The following KLHL4 variants were observed in gnomAD, a reference collection of about 807,000 sequenced individuals.
KLHL4 encodes kelch like family member 4, also known as kelch-like protein 4.
A neutral mutation model predicts 45.8 loss-of-function variants in KLHL4; 17 were observed. That is an observed-to-expected ratio of 0.37 (90% CI 0.25 to 0.56). KLHL4 has a LOEUF of 0.56. Ranked by LOEUF, KLHL4 falls within the 20% of genes least tolerant of loss-of-function variation. The pLI is 0.79. For missense variants in KLHL4, 544 were observed against 544.9 expected, an observed-to-expected ratio of 1.00 and a Z score of 0.02; for synonymous variants, 224 against 189.9, an observed-to-expected ratio of 1.18 and a Z score of -1.47.
chrX:87,639,507 G>T (rs1923378353), intron 9 of KLHL4, among the ~76,000 whole-genome samples: 1 of 111,416 alleles, frequency 9.0e-6, no homozygotes, highest in African/African-American at 3.3e-5. Flanking sequence ...ATTTTATCAA[G>T]TACTCTGTCA....
At chrX:87,618,518 G>T (rs1922640976) in intron 4 of KLHL4, among the ~76,000 whole-genome samples, 1 of 111,664 alleles carries the variant, frequency 9.0e-6, no homozygotes, top group Non-Finnish European at 1.9e-5. Context: ...TAATATTAAT[G>T]GGTCAATAAT....
At chrX:87,577,388 T>C (rs1008443350) in intron 1 of KLHL4, among the ~76,000 whole-genome samples, 2 of 111,702 alleles carry the variant, frequency 1.8e-5, no homozygotes, top group African/African-American at 6.5e-5. Flanking sequence ...TTAGTAGTGG[T>C]ATTTCCATTT....
At chrX:87,561,647 C>T (rs752157157) in intron 1 of KLHL4, among the ~76,000 whole-genome samples, 69 of 111,006 alleles carry the variant, frequency 6.2e-4, no homozygotes, top group Non-Finnish European at 1.1e-3. Flanking sequence ...GGGGTGGATG[C>T]AACCCAGTGA....
Position 87,666,953 on chromosome X carries a change from A to G in KLHL4, c.*419A>G. 1 of 697,649 alleles carries G rather than the reference A, an allele frequency of 1.4e-6. No individual in the cohort carries two copies. The allele number at this position is 697,649 out of a possible 1,213,427, so 57.5% of individuals were successfully genotyped here. A position where few individuals can be genotyped will look rare whatever the true frequency, so the allele number is the denominator to read the frequency against. ...CGTACTCTTATTATCTGGAACATAG[A>G]AATATAAAAGGTAACATCTAAAGCT... On this transcript the variant is annotated 3_prime_UTR_variant, in exon 11 of 11. Transcript: ENST00000373119.
rs533068495 is a variant in KLHL4, at chrX:87,585,371, T to A, written c.423-28506T>A. 2.7e-5 allele frequency among the ~76,000 whole-genome samples: 3 copies of A among 111,856 alleles called. No individual in the cohort carries two copies. The Middle Eastern group carries it at 0.014, about 518-fold the overall frequency. On this transcript the variant is annotated intron_variant, in intron 1 of 10. Transcript: ENST00000373119. Reference sequence around the variant, plus strand: ...ATAACACTAACTATGGTGTGTAAACTACTCTTAATTAGAAAGACAAAACGA... The same window carrying A: ...ATAACACTAACTATGGTGTGTAAACAACTCTTAATTAGAAAGACAAAACGA...
At chrX:87,588,579 A>T (rs996553319) in intron 1 of KLHL4, among the ~76,000 whole-genome samples, 1 of 111,475 alleles carries the variant, frequency 9.0e-6, no homozygotes, top group African/African-American at 3.3e-5. Context: ...GTGCTGGGAA[A>T]CCTGGATATC....
intron 1 of KLHL4, among the ~76,000 whole-genome samples, chrX:87,585,819 G>T (rs1569347208): frequency 9.0e-6 from 1 of 110,667 alleles, no homozygotes; most frequent in Non-Finnish European, 1.9e-5. Context: ...CCAATCAAAA[G>T]ACATAGACTG....
At chrX:87,576,925 A>T (rs1921120437) in intron 1 of KLHL4, among the ~76,000 whole-genome samples, 1 of 112,361 alleles carries the variant, frequency 8.9e-6, no homozygotes, top group African/African-American at 3.2e-5. Flanking sequence ...TAAATAAAGC[A>T]TTTTTATTAA....
At chrX:87,587,133 C>A (rs1321695789) in intron 1 of KLHL4, among the ~76,000 whole-genome samples, 2 of 85,178 alleles carry the variant, frequency 2.3e-5, no homozygotes, top group East Asian at 8.7e-4. Flanking sequence ...TAATAAAAAT[C>A]TCTCCATAAA....
chrX:87,523,390 G>A (rs187808394), intron 1 of KLHL4, among the ~76,000 whole-genome samples: 14 of 111,441 alleles, frequency 1.3e-4, no homozygotes, highest in Admixed American at 2.9e-4. Context: ...AAGAAAAACC[G>A]AAATCAAGGA....
intron 1 of KLHL4, among the ~76,000 whole-genome samples, chrX:87,562,431 T>G (rs959857953): frequency 1.8e-5 from 2 of 110,130 alleles, no homozygotes; most frequent in Non-Finnish European, 3.8e-5. Flanking sequence ...ACCTGCTGAC[T>G]AAAAAGCCCT....
chrX:87,579,274 G>A (rs192297077), intron 1 of KLHL4, among the ~76,000 whole-genome samples: 3 of 111,239 alleles, frequency 2.7e-5, no homozygotes, highest in African/African-American at 9.8e-5. Context: ...GCAGTACAGA[G>A]AAAACATACG....
At position 87,652,205 on chromosome X, in the gene KLHL4, C is replaced by T. The variant is rs12854019; in HGVS notation, c.1926-12559C>T. Reference sequence around the variant, plus strand: ...CACACAGCATGGGGAAAACATTTTTCCCCCTAGGCCTCCAGGCCTGTGATG... The same window carrying T: ...CACACAGCATGGGGAAAACATTTTTTCCCCTAGGCCTCCAGGCCTGTGATG... On this transcript the variant is annotated intron_variant, in intron 9 of 10. Transcript: ENST00000373119. Among the ~76,000 whole-genome samples, 12 of 112,157 alleles carry T rather than the reference C, an allele frequency of 1.1e-4. No homozygotes were observed. In the East Asian group the frequency reaches 3.4e-3, roughly 32 times the overall value.
rs780673011 is a variant in KLHL4, at chrX:87,562,994, C to A, written c.422+44679C>A. Among the ~76,000 whole-genome samples the A allele has an allele frequency of 3.1e-4, 34 of 111,026 alleles. No individual in the cohort carries two copies. The South Asian group carries it at 0.012, about 39-fold the overall frequency. On this transcript the variant is annotated intron_variant, in intron 1 of 10. Coordinates refer to ENST00000373119, the MANE Select transcript of KLHL4 (RefSeq NM_019117.5). Reference sequence around the variant, plus strand: ...TTTGCCTAGTAATCCAGGCAATCTCCCTGATTTTAACCAAGACCACCAAGT... The same window carrying A: ...TTTGCCTAGTAATCCAGGCAATCTCACTGATTTTAACCAAGACCACCAAGT...
At chrX:87,552,955 G>T (rs527260431) in intron 1 of KLHL4, among the ~76,000 whole-genome samples, 3 of 110,649 alleles carry the variant, frequency 2.7e-5, no homozygotes, top group Non-Finnish European at 5.7e-5. Flanking sequence ...CTTTAAGAAT[G>T]TATTTGGAAT....
Position 87,659,403 on chromosome X carries a change from C to T in KLHL4, c.1926-5361C>T, listed in dbSNP as rs189999775. 5.4e-5 allele frequency among the ~76,000 whole-genome samples: 6 copies of T among 110,215 alleles called. No individual in the cohort carries two copies. The Admixed American group carries it at 5.8e-4, about 11-fold the overall frequency. ...AAAGTGCTGGGATTACAGGCATGAG[C>T]CAACATGCCCGGCCTCATTTTTCTT... On this transcript the variant is annotated intron_variant, in intron 9 of 10. Coordinates refer to ENST00000373119, the MANE Select transcript of KLHL4 (RefSeq NM_019117.5).
chrX:87,573,541 T>C (rs1052026836), intron 1 of KLHL4, among the ~76,000 whole-genome samples: 1 of 111,145 alleles, frequency 9.0e-6, no homozygotes, highest in Admixed American at 9.6e-5. Flanking sequence ...ATTTAGTTGA[T>C]GGGGGCGCAT....
intron 1 of KLHL4, among the ~76,000 whole-genome samples, chrX:87,541,883 T>C (rs1931567337): frequency 9.0e-6 from 1 of 111,381 alleles, no homozygotes; most frequent in Non-Finnish European, 1.9e-5. Context: ...TGTTGAATCA[T>C]TTTGACCAAA....
intron 1 of KLHL4, among the ~76,000 whole-genome samples, chrX:87,525,277 G>C (rs749469636): frequency 9.0e-6 from 1 of 111,359 alleles, no homozygotes; most frequent in Non-Finnish European, 1.9e-5. Context: ...CACTAATGAA[G>C]TGGTATATAT....
Sources: allele counts gnomAD v4.1 joint callset (sites outside exome capture counted in the v4.1 genomes callset), GRCh38; gene constraint gnomAD v4.1.1; transcripts MANE v1.5; gene names NCBI Gene and HGNC (gene_info 2026-07-23, HGNC 2026-07-21).